The following ARHGEF33 variants were observed in gnomAD, a reference collection of about 807,000 sequenced individuals.
ARHGEF33 encodes the protein Rho guanine nucleotide exchange factor 33.
ARHGEF33 carries 72 observed loss-of-function variants against 101.9 expected under a neutral mutation model. The ratio of observed to expected loss-of-function variants is 0.71; its 90% CI spans 0.58 to 0.86. The LOEUF (loss-of-function observed/expected upper bound fraction) is 0.86, where lower values mean the gene tolerates loss of function less well. ARHGEF33 is among the 40% of genes least tolerant of loss of function. ARHGEF33 has a pLI of 0.00. For synonymous variants in ARHGEF33, 499 were observed against 442.5 expected (o/e 1.13, Z -1.60); for missense variants, 1,169 against 1,111.3 (o/e 1.05, Z -0.74).
intron 2 of ARHGEF33, among the ~76,000 whole-genome samples, chr2:38,903,919 T>C (rs1666329775): frequency 6.6e-6 from 1 of 152,208 alleles, no homozygotes; most frequent in South Asian, 2.1e-4. Flanking sequence ...CCACTGCCAG[T>C]GTTTAGGACA....
intron 2 of ARHGEF33, among the ~76,000 whole-genome samples, chr2:38,917,421 A>G (rs1368025037): frequency 3.9e-5 from 6 of 152,180 alleles, no homozygotes; most frequent in Non-Finnish European, 8.8e-5. Flanking sequence ...AACTTTCTTC[A>G]GGTATAATTT....
chr2:38,951,161 G>A (rs533709743), intron 11 of ARHGEF33, 40 bp downstream of exon 11: 11 of 1,538,866 alleles, frequency 7.1e-6, no homozygotes, highest in East Asian at 4.9e-5. Context: ...TTACTTATAC[G>A]GATTTGTGTC....
Position 38,960,359 on chromosome 2 carries a change from G to C in ARHGEF33, c.2054G>C (p.Gly685Ala), listed in dbSNP as rs1037566081. Reference protein sequence around the residue: ...PLPKSATSPAGSSSAYKLEAA... With the variant: ...PLPKSATSPAASSSAYKLEAA... ...CCCAAGAGCGCTACGTCGCCGGCGG[G>C]CAGCAGCAGCGCCTACAAACTGGAG... is the stretch of plus-strand genomic sequence containing the variant. Residue 685 changes from glycine (G) to alanine (A), a missense_variant, in exon 16 of 18, where the codon GGC becomes GCC. Transcript: ENST00000409978. 2.6e-6 allele frequency: 4 copies of C among 1,529,178 alleles called. No individual in the cohort carries two copies. Among genetic ancestry groups the C allele is most frequent in the Non-Finnish European group, 2.6e-6 (3 of 1,142,168 alleles). The allele number at this position is 1,529,178 out of a possible 1,614,324, so 94.7% of individuals were successfully genotyped here.
In ARHGEF33 at chr2:38,929,059, A is replaced by G. The variant is rs188888760; in HGVS notation, c.228A>G (p.Leu76=). Residue 76 remains leucine, a synonymous_variant, in exon 5 of 18, where the codon TTA becomes TTG. Transcript: ENST00000409978. ...EEKVTEMKNS[L]NYFKEELSNA... is the part of the protein sequence containing the mutation. ...AAGTTACTGAGATGAAGAATTCATTAAACTATTTCAAGGTAGGCCTCTCTT... is the reference window on the plus strand; with the variant it reads ...AAGTTACTGAGATGAAGAATTCATTGAACTATTTCAAGGTAGGCCTCTCTT... 1.9e-6 allele frequency: 3 copies of G among 1,549,578 alleles called. No homozygotes were observed. The highest frequency in any genetic ancestry group is 1.2e-5 in the South Asian group (1 of 83,726).
chr2:38,911,080 G>A (rs1666498821), intron 2 of ARHGEF33, among the ~76,000 whole-genome samples: 1 of 152,050 alleles, frequency 6.6e-6, no homozygotes, highest in Non-Finnish European at 1.5e-5. Context: ...AGAGTGCTTT[G>A]AAAACTACGA....
At chr2:38,893,611 CA>C in intron 1 of ARHGEF33, among the ~76,000 whole-genome samples, 1 of 152,280 alleles carries the variant, frequency 6.6e-6, no homozygotes, top group East Asian at 1.9e-4. Flanking sequence ...TTTCATTTGT[CA>C]CAATCCATTA....
chr2:38,898,673 T>TA (rs1335810900), intron 2 of ARHGEF33, among the ~76,000 whole-genome samples: 5 of 152,172 alleles, frequency 3.3e-5, no homozygotes, highest in Non-Finnish European at 7.3e-5. Flanking sequence ...CTAATATACT[T>TA]AAAAAAAGGA....
chr2:38,927,792 C>CTTA (rs1183443365), intron 4 of ARHGEF33, among the ~76,000 whole-genome samples: 28 of 152,206 alleles, frequency 1.8e-4, no homozygotes, highest in Middle Eastern at 3.2e-3. Context: ...CTAAGAGTTC[C>CTTA]TCCACTTGAT....
intron 2 of ARHGEF33, among the ~76,000 whole-genome samples, chr2:38,917,431 T>C (rs1441012054): frequency 2.0e-5 from 3 of 152,172 alleles, no homozygotes; most frequent in Non-Finnish European, 4.4e-5. Flanking sequence ...AGGTATAATT[T>C]ATGTAAGATA....
At chr2:38,912,483 T>C (rs1201731290) in intron 2 of ARHGEF33, among the ~76,000 whole-genome samples, 1 of 152,230 alleles carries the variant, frequency 6.6e-6, no homozygotes, top group African/African-American at 2.4e-5. Flanking sequence ...TACCCTTTAA[T>C]ACATATTCAT....
At chr2:38,892,169 T>C (rs1666020029) in intron 1 of ARHGEF33, among the ~76,000 whole-genome samples, 1 of 152,186 alleles carries the variant, frequency 6.6e-6, no homozygotes. Flanking sequence ...AGTAGCTGTT[T>C]TGGATTTGTC....
rs148253982 is a variant in ARHGEF33, at chr2:38,914,165, T to C, written c.-85-5198T>C. ...TGAATATTCCTGGGGGAAATAAGAA[T>C]AGTTATAGCCTTTTTGGAAAGCAGC... is the stretch of plus-strand genomic sequence containing the variant. On this transcript the variant is annotated intron_variant, in intron 2 of 17. Coordinates refer to ENST00000409978, the MANE Select transcript of ARHGEF33 (RefSeq NM_001145451.5). Among the ~76,000 whole-genome samples the C allele has an allele frequency of 2.0e-3, 302 of 152,284 alleles. 1 individual carries two copies. Among genetic ancestry groups the C allele is most frequent in the Non-Finnish European group, 3.6e-3 (245 of 68,016 alleles).
At chr2:38,931,417 A>G (rs1234305116) in intron 7 of ARHGEF33, 166 bp downstream of exon 7, 2 of 574,242 alleles carry the variant, frequency 3.5e-6, no homozygotes, top group East Asian at 3.0e-5. Flanking sequence ...CTAAGAGACC[A>G]CAAGAGTGCC....
intron 7 of ARHGEF33, among the ~76,000 whole-genome samples, chr2:38,932,764 C>T (rs2124386793): frequency 6.6e-6 from 1 of 152,306 alleles, no homozygotes; most frequent in East Asian, 1.9e-4. Context: ...CTTAAATAAT[C>T]ACAGAATGTG....
intron 9 of ARHGEF33, among the ~76,000 whole-genome samples, chr2:38,941,560 T>C (rs1276747736): frequency 6.6e-6 from 1 of 151,940 alleles, no homozygotes; most frequent in African/African-American, 2.4e-5. Context: ...TTCTTTTTTT[T>C]TTTTTGAGAC....
intron 2 of ARHGEF33, among the ~76,000 whole-genome samples, chr2:38,908,141 T>C (rs919099317): frequency 6.6e-6 from 1 of 152,176 alleles, no homozygotes; most frequent in African/African-American, 2.4e-5. Context: ...CTGAAAGTTA[T>C]AGGCTTGAGC....
intron 2 of ARHGEF33, among the ~76,000 whole-genome samples, chr2:38,910,539 C>G (rs1666486923): frequency 6.6e-6 from 1 of 152,108 alleles, no homozygotes; most frequent in Non-Finnish European, 1.5e-5. Flanking sequence ...CACTGCACTC[C>G]AACCTGGGTG....
intron 7 of ARHGEF33, among the ~76,000 whole-genome samples, chr2:38,933,796 A>G (rs1461614184): frequency 2.0e-5 from 3 of 152,232 alleles, no homozygotes; most frequent in Non-Finnish European, 4.4e-5. Flanking sequence ...ATAAGGACGT[A>G]AATGCTAAGG....
At chr2:38,947,599 G>C (rs1301540631) in intron 10 of ARHGEF33, among the ~76,000 whole-genome samples, 1 of 152,172 alleles carries the variant, frequency 6.6e-6, no homozygotes, top group East Asian at 1.9e-4. Context: ...TATAAAGACG[G>C]TGTCTTGCTC....
Sources: gnomAD v4.1 joint callset for allele counts (sites outside exome capture counted in the v4.1 genomes callset) on GRCh38, gnomAD v4.1.1 for gene constraint, MANE v1.5 for transcripts, NCBI Gene and HGNC (gene_info 2026-07-23, HGNC 2026-07-21) for gene names.